CATSPERE: variants seen among roughly 807,000 people sequenced by gnomAD.
CATSPERE encodes catsper channel auxiliary subunit epsilon.
A neutral mutation model predicts 114.1 loss-of-function variants in CATSPERE; 93 were observed. The ratio of observed to expected loss-of-function variants is 0.81; its 90% CI spans 0.69 to 0.97. The LOEUF is 0.97. CATSPERE is among the 50% of genes least tolerant of loss of function. The probability of loss-of-function intolerance (pLI) is 0.00; values close to 1 mark genes in which losing one functional copy is unlikely to be tolerated. For synonymous variants in CATSPERE, 341 were observed against 384.1 expected (o/e 0.89, Z 1.31); for missense variants, 1,058 against 1,131.6 (o/e 0.93, Z 0.93).
At chr1:244,479,857 A>G in intron 5 of CATSPERE, 73 bp downstream of exon 5, 1 of 787,202 alleles carries the variant, frequency 1.3e-6, no homozygotes, top group Admixed American at 2.6e-5. Flanking sequence ...ATTAGCCACA[A>G]ATAGATTATC....
At chr1:244,461,887 C>T (rs891610115) in intron 1 of CATSPERE, among the ~76,000 whole-genome samples, 3 of 152,182 alleles carry the variant, frequency 2.0e-5, no homozygotes, top group Non-Finnish European at 2.9e-5. Context: ...CATCATAGCT[C>T]CCTGAAGCCT....
chr1:244,458,223 T>A (rs902214396), upstream of CATSPERE, among the ~76,000 whole-genome samples: 8 of 152,214 alleles, frequency 5.3e-5, no homozygotes, highest in African/African-American at 1.9e-4. Flanking sequence ...TGGCGTTTGG[T>A]TTTCTTTGGG....
intron 8 of CATSPERE, among the ~76,000 whole-genome samples, chr1:244,527,162 T>G (rs1329096670): frequency 6.6e-6 from 1 of 152,182 alleles, no homozygotes; most frequent in Admixed American, 6.5e-5. Context: ...ACAACCAGTC[T>G]GATCAAAATT....
At chr1:244,461,849 C>T (rs755911159) in intron 1 of CATSPERE, among the ~76,000 whole-genome samples, 1 of 152,174 alleles carries the variant, frequency 6.6e-6, no homozygotes, top group Non-Finnish European at 1.5e-5. Flanking sequence ...CCTCTTGCTC[C>T]GTTGCCCAGG....
At chr1:244,460,428 A>T (rs144788984), upstream of CATSPERE, among the ~76,000 whole-genome samples, 196 of 152,174 alleles carry the variant, frequency 1.3e-3, 1 homozygote, top group African/African-American at 4.5e-3. Context: ...GTGACTCAGC[A>T]CAGGAAGACA....
chr1:244,609,665 TA>T (rs1209674605), intron 18 of CATSPERE, among the ~76,000 whole-genome samples: 18 of 152,012 alleles, frequency 1.2e-4, no homozygotes, highest in Non-Finnish European at 2.2e-4. Context: ...AAATAAAAGG[TA>T]TAAGGATGGG....
chr1:244,451,975 G>T (rs1163520363), upstream of CATSPERE: 4 of 700,714 alleles, frequency 5.7e-6, no homozygotes, highest in East Asian at 9.8e-5. This position sits in a 1 kb window ranked among gnomAD's most constrained non-coding sequence, Gnocchi z 6.6. Context: ...GCCAGTCCCC[G>T]CCCCGCTCTC....
At chr1:244,601,740 G>C (rs1474105981) in intron 17 of CATSPERE, among the ~76,000 whole-genome samples, 1 of 152,104 alleles carries the variant, frequency 6.6e-6, no homozygotes, top group Non-Finnish European at 1.5e-5. Context: ...ATCACTTGAG[G>C]TCAGGAGTTC....
intron 8 of CATSPERE, among the ~76,000 whole-genome samples, chr1:244,527,515 A>G (rs1272065283): frequency 6.6e-6 from 1 of 152,172 alleles, no homozygotes; most frequent in African/African-American, 2.4e-5. Context: ...TCAAACACAC[A>G]TGCTGTACAA....
chr1:244,553,652 T>A (rs1038170474), intron 9 of CATSPERE, among the ~76,000 whole-genome samples: 2 of 99,650 alleles, frequency 2.0e-5, no homozygotes, highest in African/African-American at 5.2e-5. Flanking sequence ...CACATACATA[T>A]ATATATAGTT....
chr1:244,629,979 T>C (rs115916292), intron 20 of CATSPERE, among the ~76,000 whole-genome samples: 77 of 152,298 alleles, frequency 5.1e-4, no homozygotes, highest in African/African-American at 1.8e-3. Flanking sequence ...CAGTACCTGC[T>C]ACCTCCTGCC....
chr1:244,557,210 A>G (rs750249909), intron 9 of CATSPERE, among the ~76,000 whole-genome samples: 6 of 151,832 alleles, frequency 4.0e-5, no homozygotes, highest in Non-Finnish European at 5.9e-5. Context: ...AGGGTCTTTC[A>G]TGGTTCCATA....
rs575521666 is a variant in CATSPERE, at chr1:244,624,586, C to T, written c.2648+6900C>T. ...GAGTCACAGGCGGGTGGATCACTTGCGGTCAGGAGCTCGAGACCAGCCTGG... is the reference window on the plus strand; with the variant it reads ...GAGTCACAGGCGGGTGGATCACTTGTGGTCAGGAGCTCGAGACCAGCCTGG... On this transcript the variant is annotated intron_variant, in intron 20 of 21. Transcript: ENST00000366534. 4.6e-5 allele frequency among the ~76,000 whole-genome samples: 7 copies of T among 151,990 alleles called. No individual in the cohort carries two copies. In the East Asian group the frequency reaches 7.8e-4, roughly 17 times the overall value.
chr1:244,588,564 C>T (rs1211156189), intron 14 of CATSPERE, 30 bp downstream of exon 14: 4 of 1,531,132 alleles, frequency 2.6e-6, no homozygotes, highest in Non-Finnish European at 2.7e-6. Context: ...ACCTGTGTTA[C>T]TCTTTAAGTT....
intron 20 of CATSPERE, among the ~76,000 whole-genome samples, chr1:244,619,798 A>G (rs1056273091): frequency 1.3e-5 from 2 of 152,228 alleles, no homozygotes; most frequent in African/African-American, 2.4e-5. Flanking sequence ...ATGACATTTT[A>G]TAGTGATATG....
chr1:244,537,871 T>C (rs1243913316), intron 8 of CATSPERE, among the ~76,000 whole-genome samples: 4 of 152,214 alleles, frequency 2.6e-5, no homozygotes, highest in African/African-American at 9.7e-5. Context: ...TAAATCTAGT[T>C]GATTGATTAG....
rs533508434 is a variant in CATSPERE, at chr1:244,600,179, G to A, written c.2304-5516G>A. 1.8e-4 allele frequency among the ~76,000 whole-genome samples: 28 copies of A among 152,062 alleles called. No homozygotes were observed. The South Asian group carries it at 3.3e-3, about 18-fold the overall frequency. ...TAACTAAGCTTGAAAGAAAGAAGGCGGACTCTCAGAAGCGAAGAGAGAACT... is the reference window on the plus strand; with the variant it reads ...TAACTAAGCTTGAAAGAAAGAAGGCAGACTCTCAGAAGCGAAGAGAGAACT... On this transcript the variant is annotated intron_variant, in intron 17 of 21. Coordinates refer to ENST00000366534, the MANE Select transcript of CATSPERE (RefSeq NM_001130957.2).
intron 17 of CATSPERE, among the ~76,000 whole-genome samples, chr1:244,599,681 G>A (rs1306355083): frequency 6.6e-6 from 1 of 152,156 alleles, no homozygotes; most frequent in Non-Finnish European, 1.5e-5. Flanking sequence ...GACTTTCAAG[G>A]TTCTATTTGA....
intron 20 of CATSPERE, among the ~76,000 whole-genome samples, chr1:244,621,328 A>T (rs10627563): frequency 1.2e-4 from 1 of 8,312 alleles, no homozygotes; most frequent in African/African-American, 2.0e-4. Flanking sequence ...ATATATATAT[A>T]TATATATATA....
Sources: allele counts gnomAD v4.1 joint callset (sites outside exome capture counted in the v4.1 genomes callset), GRCh38; gene constraint gnomAD v4.1.1; non-coding constraint Gnocchi (gnomAD v3.1); transcripts MANE v1.5; gene names NCBI Gene and HGNC (gene_info 2026-07-23, HGNC 2026-07-21).